Variants in DNASE1L3 observed in about 807,000 individuals in gnomAD.
The protein encoded by DNASE1L3 is deoxyribonuclease 1L3, also known as deoxyribonuclease gamma.
A neutral mutation model predicts 30.9 loss-of-function variants in DNASE1L3; 27 were observed. The ratio of observed to expected loss-of-function variants is 0.87; its 90% CI spans 0.64 to 1.20. The LOEUF (loss-of-function observed/expected upper bound fraction) is 1.20, where lower values mean the gene tolerates loss of function less well. Ranked by LOEUF, DNASE1L3 falls within the 50% of genes most tolerant of loss-of-function variation. DNASE1L3 has a pLI of 0.00. For synonymous variants in DNASE1L3, 135 were observed against 138.0 expected (o/e 0.98, Z 0.15); for missense variants, 364 against 378.2 (o/e 0.96, Z 0.31).
Position 58,197,848 on chromosome 3 carries a change from T to C in DNASE1L3, c.677A>G (p.Lys226Arg). The change falls in exon 6 of 8, where the codon AAG becomes AGG. Residue 226 changes from lysine (K) to arginine (R), a missense_variant. Physicochemically the swap from Lys to Arg is conservative, Grantham distance 26 (BLOSUM62 2). Transcript: ENST00000394549. The surrounding 1 kb of genome is among the most constrained non-coding windows in gnomAD (Gnocchi z 5.3). The part of the protein sequence containing the change: ...LIGDQEDTTV[K>R]KSTNCAYDRI... Reference sequence around the variant, plus strand: ...GTCATATGCACAGTTGGTGCTCTTCTTCACCGTGGTGTCCTCTTGGTCCCC... The same window carrying C: ...GTCATATGCACAGTTGGTGCTCTTCCTCACCGTGGTGTCCTCTTGGTCCCC... 6.2e-7 allele frequency: 1 copy of C among 1,614,138 alleles called. No individual in the cohort carries two copies. Among genetic ancestry groups the C allele is most frequent in the East Asian group, 2.2e-5 (1 of 44,892 alleles).
intron 1 of DNASE1L3, among the ~76,000 whole-genome samples, chr3:58,209,682 C>T (rs1352738199): frequency 2.0e-5 from 3 of 152,204 alleles, no homozygotes; most frequent in Non-Finnish European, 4.4e-5. Context: ...CTGGGTGCCT[C>T]AGGCACCCTG....
Position 58,200,797 on chromosome 3 carries a change from C to T in DNASE1L3, c.546+200G>A, listed in dbSNP as rs944618850. 6.6e-6 allele frequency among the ~76,000 whole-genome samples: 1 copy of T among 152,168 alleles called. No homozygotes were observed. The highest frequency in any genetic ancestry group is 6.5e-5 in the Admixed American group (1 of 15,274). On this transcript the variant is annotated intron_variant, in intron 5 of 7. Coordinates refer to ENST00000394549, the MANE Select transcript of DNASE1L3 (RefSeq NM_004944.4). The surrounding 1 kb of genome is among the most constrained non-coding windows in gnomAD (Gnocchi z 4.2). Reference sequence around the variant, plus strand: ...ATTAATGGGAAAGTGTGGCAATTCCCAAGGCCCACATGCAGGGTACCCAGG... The same window carrying T: ...ATTAATGGGAAAGTGTGGCAATTCCTAAGGCCCACATGCAGGGTACCCAGG...
chr3:58,210,648 C>G, intron 1 of DNASE1L3, 118 bp downstream of exon 1: 1 of 1,487,612 alleles, frequency 6.7e-7, no homozygotes, highest in Non-Finnish European at 9.1e-7. Flanking sequence ...TTGTTCCAAG[C>G]CAGCTTCTAC....
At chr3:58,198,104 T>C (rs1367094258) in intron 5 of DNASE1L3, 126 bp from the exon 6 acceptor site, 2 of 1,126,956 alleles carry the variant, frequency 1.8e-6, no homozygotes, top group Non-Finnish European at 2.5e-6. Context: ...GGCTGAATCT[T>C]GTCTACCCCC....
At position 58,200,433 on chromosome 3, in the gene DNASE1L3, A is replaced by C. The variant is rs2097399920; in HGVS notation, c.546+564T>G. Among the ~76,000 whole-genome samples, 1 of 152,184 alleles carries C rather than the reference A, an allele frequency of 6.6e-6. No homozygotes were observed. On this transcript the variant is annotated intron_variant, in intron 5 of 7. Coordinates refer to ENST00000394549, the MANE Select transcript of DNASE1L3 (RefSeq NM_004944.4). The surrounding 1 kb of genome is among the most constrained non-coding windows in gnomAD (Gnocchi z 4.2). ...ACCTGAGAATGGAGCCACACAGAGG[A>C]AAGGGCAACCAGGAGATAGAAAGGA...
chr3:58,204,265 C>G (rs915572463), intron 4 of DNASE1L3, among the ~76,000 whole-genome samples: 1 of 151,894 alleles, frequency 6.6e-6, no homozygotes, highest in African/African-American at 2.4e-5. Flanking sequence ...CTCAGCCTCC[C>G]GAGTAGCTGG....
intron 1 of DNASE1L3, among the ~76,000 whole-genome samples, chr3:58,210,398 C>T (rs2097406996): frequency 6.6e-6 from 1 of 152,144 alleles, no homozygotes; most frequent in African/African-American, 2.4e-5. Flanking sequence ...GTAATAGTCC[C>T]TCTTCATAAA....
chr3:58,202,907 A>G (rs140280678), intron 4 of DNASE1L3, among the ~76,000 whole-genome samples: 1 of 152,184 alleles, frequency 6.6e-6, no homozygotes, highest in Non-Finnish European at 1.5e-5. Flanking sequence ...TAAGAACAAA[A>G]GTTCCAAAAA....
rs2097395426 is a variant in DNASE1L3, at chr3:58,193,516, T to C, written c.705-77A>G. 4 of 1,315,364 alleles carry C rather than the reference T, an allele frequency of 3.0e-6. No homozygotes were observed. In the South Asian group the frequency reaches 3.9e-5, roughly 13 times the overall value. 81.5% of individuals were successfully genotyped at this position (1,315,364 alleles called of 1,614,324 possible). A position where few individuals can be genotyped will look rare whatever the true frequency, so the allele number is the denominator to read the frequency against. On this transcript the variant is annotated intron_variant, in intron 6 of 7. Transcript: ENST00000394549. ...AGATCAAACCAAGGTCTGTGTTTGCTGTCTGGAATTAACCGAGCAGTCTGG... is the reference window on the plus strand; with the variant it reads ...AGATCAAACCAAGGTCTGTGTTTGCCGTCTGGAATTAACCGAGCAGTCTGG...
rs532986974 is a variant in DNASE1L3, at chr3:58,200,064, C to T, written c.546+933G>A. Among the ~76,000 whole-genome samples, 8 of 152,298 alleles carry T rather than the reference C, an allele frequency of 5.3e-5. No homozygotes were observed. Among genetic ancestry groups the T allele is most frequent in the African/African-American group, 1.9e-4 (8 of 41,558 alleles). ...TATTTACCAAGAGCTTTCACAGCCC[C>T]TCACAGCCACAAGTGGTCTCTTCCA... is the stretch of plus-strand genomic sequence containing the variant. On this transcript the variant is annotated intron_variant, in intron 5 of 7. Coordinates refer to ENST00000394549, the MANE Select transcript of DNASE1L3 (RefSeq NM_004944.4). The surrounding 1 kb of genome is among the most constrained non-coding windows in gnomAD (Gnocchi z 4.2).
chr3:58,193,182 T>A, intron 7 of DNASE1L3, 161 bp downstream of exon 7: 1 of 1,432,006 alleles, frequency 7.0e-7, no homozygotes, highest in Non-Finnish European at 9.2e-7. Flanking sequence ...ACTCAAGTGA[T>A]CCTCCCACCT....
At position 58,210,781 on chromosome 3, in the gene DNASE1L3, C is replaced by T. The variant is rs2097407242; in HGVS notation, c.126G>A (p.Met42Ile). 1.2e-6 allele frequency: 2 copies of T among 1,614,146 alleles called. No homozygotes were observed. Among genetic ancestry groups the T allele is most frequent in the East Asian group, 4.5e-5 (2 of 44,868 alleles). ...GESKQEDKNA[M>I]DVIVKVIKRC... ...AGGGGCTCACCTTCACAATGACATC[C>T]ATGGCATTCTTGTCTTCCTGCTTGC... The change falls in exon 1 of 8, where the codon ATG becomes ATA. Residue 42 changes from methionine to isoleucine, a missense_variant. By Grantham distance (10) the Met-to-Ile change is conservative. Coordinates refer to ENST00000394549, the MANE Select transcript of DNASE1L3 (RefSeq NM_004944.4).
At chr3:58,196,708 C>T (rs941931509) in intron 6 of DNASE1L3, among the ~76,000 whole-genome samples, 3 of 152,094 alleles carry the variant, frequency 2.0e-5, no homozygotes, top group Non-Finnish European at 4.4e-5. Context: ...GGTTTCCCCA[C>T]CTGTGGTCTC....
chr3:58,197,943 G>T lies in DNASE1L3; in HGVS notation c.582C>A (p.Cys194Ter). The T allele has an allele frequency of 6.2e-7, 1 of 1,613,638 alleles. No individual in the cohort carries two copies. The highest frequency in any genetic ancestry group is 1.1e-5 in the South Asian group (1 of 90,950). Reference sequence around the variant, plus strand: ...TCCAGGCCTTCTTGGGGACGTAGCTGCAGCCGGCATTGAAGTCACCCATGA... The same window carrying T: ...TCCAGGCCTTCTTGGGGACGTAGCTTCAGCCGGCATTGAAGTCACCCATGA... ...FIFMGDFNAGCSYVPKKAWKN... is the reference protein window; with the variant it reads ...FIFMGDFNAG Residue 194 changes from cysteine to a stop codon, truncating the protein, a stop_gained, in exon 6 of 8, where the codon TGC becomes TGA. Coordinates refer to ENST00000394549, the MANE Select transcript of DNASE1L3 (RefSeq NM_004944.4). LOFTEE classifies it high-confidence loss of function. This position sits in a 1 kb window ranked among gnomAD's most constrained non-coding sequence, Gnocchi z 5.3.
intron 4 of DNASE1L3, among the ~76,000 whole-genome samples, chr3:58,203,037 T>A (rs754470809): frequency 2.6e-5 from 4 of 152,122 alleles, no homozygotes; most frequent in Non-Finnish European, 1.5e-5. Flanking sequence ...TCAGAAGCCG[T>A]TCCTGGCCCA....
rs1375812782 is a variant in DNASE1L3 at position 58,192,679 on chromosome 3, C to A, written c.*8G>T. ...CAAGAAATGGTTAATAAGATGAGAC[C>A]CTTGGGTCTAGGAGCGTTTGCTCTT... On this transcript the variant is annotated 3_prime_UTR_variant, in exon 8 of 8. Transcript: ENST00000394549. This position sits in a 1 kb window ranked among gnomAD's most constrained non-coding sequence, Gnocchi z 4.8. 6.2e-7 allele frequency: 1 copy of A among 1,611,566 alleles called. No individual in the cohort carries two copies. Among genetic ancestry groups the A allele is most frequent in the Admixed American group, 1.7e-5 (1 of 59,392 alleles).
At chr3:58,196,163 G>T (rs922925313) in intron 6 of DNASE1L3, among the ~76,000 whole-genome samples, 2 of 152,028 alleles carry the variant, frequency 1.3e-5, no homozygotes, top group Non-Finnish European at 2.9e-5. Context: ...TAGGGGGTCT[G>T]GGCACTTAGA....
intron 2 of DNASE1L3, among the ~76,000 whole-genome samples, chr3:58,206,580 C>A (rs1467208924): frequency 1.3e-5 from 2 of 152,264 alleles, no homozygotes; most frequent in Middle Eastern, 6.8e-3. Flanking sequence ...GATAAAGAGA[C>A]AAACAGGCTT....
At chr3:58,208,119 T>A in intron 2 of DNASE1L3, 99 bp downstream of exon 2, 1 of 1,168,982 alleles carries the variant, frequency 8.6e-7, no homozygotes, top group South Asian at 1.4e-5. Context: ...GAACTGGTGG[T>A]CAAGTGCGGG....
Sources: allele counts gnomAD v4.1 joint callset (sites outside exome capture counted in the v4.1 genomes callset), GRCh38; gene constraint gnomAD v4.1.1; non-coding constraint Gnocchi (gnomAD v3.1); transcripts MANE v1.5; gene names NCBI Gene and HGNC (gene_info 2026-07-23, HGNC 2026-07-21).